BMPR2: variants seen among roughly 807,000 people sequenced by gnomAD.
BMPR2 encodes bone morphogenetic protein receptor type 2.
A neutral mutation model predicts 100.8 loss-of-function variants in BMPR2; 29 were observed. That is an observed-to-expected ratio of 0.29 (90% CI 0.21 to 0.39). The LOEUF is 0.39. Ranked by LOEUF, BMPR2 falls within the 10% of genes least tolerant of loss-of-function variation. BMPR2 has a pLI of 1.00. For missense variants in BMPR2, 1,011 were observed against 1,274.5 expected (o/e 0.79, Z 3.15); for synonymous variants, 382 against 442.3 (o/e 0.86, Z 1.71).
chr2:202,526,214 A>G lies in BMPR2; in HGVS notation c.968-4580A>G, dbSNP rs377413759. 1.1e-3 allele frequency among the ~76,000 whole-genome samples: 165 copies of G among 151,762 alleles called. 5 individuals are homozygous for G. In the South Asian group the frequency reaches 0.024, roughly 22 times the overall value. On this transcript the variant is annotated intron_variant, in intron 7 of 12. Transcript: ENST00000374580. ...GCTTTCTCACTTTGTTTCAATATAC[A>G]CCTCACCTCATAGATACCCCAAAGT...
chr2:202,463,378 A>G (rs921850431), intron 1 of BMPR2, among the ~76,000 whole-genome samples: 2 of 152,210 alleles, frequency 1.3e-5, no homozygotes, highest in African/African-American at 2.4e-5. Context: ...AAAGACCAGC[A>G]TCTACAAAAT....
intron 1 of BMPR2, among the ~76,000 whole-genome samples, chr2:202,455,078 C>T (rs1207644226): frequency 1.3e-5 from 2 of 152,202 alleles, no homozygotes; most frequent in Non-Finnish European, 2.9e-5. Flanking sequence ...CCAGAGGCTC[C>T]ATGTCCAAAT....
At position 202,555,405 on chromosome 2, in the gene BMPR2, G is replaced by A. The variant is rs1348564707; in HGVS notation, c.1740G>A (p.Gly580=). Residue 580 remains glycine, a synonymous_variant, in exon 12 of 13, where the codon GGG becomes GGA. Transcript: ENST00000374580. ...HSMSSTPLTI[G]EKNRNSINYE... is the part of the protein sequence containing the mutation. ...TGTCCAGCACACCTTTGACTATAGG[G>A]GAAAAAAACCGAAATTCAATTAACT... The A allele has an allele frequency of 3.7e-6, 6 of 1,613,942 alleles. No individual in the cohort carries two copies. The highest frequency in any genetic ancestry group is 1.6e-4 in the Middle Eastern group (1 of 6,084).
rs1688765564 is a variant in BMPR2 at position 202,566,500 on chromosome 2, C to A, written c.*6554C>A. The A allele has an allele frequency of 6.6e-6, 1 of 152,428 alleles. No individual in the cohort carries two copies. The highest frequency in any genetic ancestry group is 1.5e-5 in the Non-Finnish European group (1 of 67,992). 9.4% of individuals were successfully genotyped at this position (152,428 alleles called of 1,614,324 possible). On this transcript the variant is annotated 3_prime_UTR_variant, in exon 13 of 13. Coordinates refer to ENST00000374580, the MANE Select transcript of BMPR2 (RefSeq NM_001204.7). ...GACTCAACTAATTGGCTACATGTTG[C>A]AACAAATTTAGGCCTTTAGAGTTGA...
intron 10 of BMPR2, among the ~76,000 whole-genome samples, chr2:202,547,552 G>A (rs1461504296): frequency 6.6e-6 from 1 of 151,976 alleles, no homozygotes; most frequent in Admixed American, 6.6e-5. Flanking sequence ...GGAGGCTGGG[G>A]CATGTGGATT....
chr2:202,378,318 T>G (rs962217318), intron 1 of BMPR2, among the ~76,000 whole-genome samples: 7 of 152,210 alleles, frequency 4.6e-5, no homozygotes, highest in African/African-American at 1.7e-4. Flanking sequence ...GAAAAAGACC[T>G]TATCTTCTAT....
chr2:202,428,472 C>T (rs960010620), intron 1 of BMPR2, among the ~76,000 whole-genome samples: 1 of 152,050 alleles, frequency 6.6e-6, no homozygotes, highest in Non-Finnish European at 1.5e-5. Context: ...GGTCATAGCT[C>T]ACTGCATCCT....
intron 5 of BMPR2, among the ~76,000 whole-genome samples, chr2:202,517,595 C>A (rs1319416419): frequency 6.6e-6 from 1 of 152,076 alleles, no homozygotes; most frequent in Non-Finnish European, 1.5e-5. Flanking sequence ...CGTGATCCAC[C>A]CGCCTCAGCC....
chr2:202,512,949 A>T (rs919442943), intron 3 of BMPR2, among the ~76,000 whole-genome samples: 12 of 150,788 alleles, frequency 8.0e-5, no homozygotes, highest in Non-Finnish European at 1.5e-4. Flanking sequence ...ATGCTTTTTT[A>T]AAAAAAAACT....
At chr2:202,480,703 C>T (rs1253414010) in intron 3 of BMPR2, among the ~76,000 whole-genome samples, 1 of 151,774 alleles carries the variant, frequency 6.6e-6, no homozygotes, top group African/African-American at 2.4e-5. Context: ...CCTGTAATCC[C>T]AGCACTTTGG....
chr2:202,519,943 A>G, intron 6 of BMPR2, 144 bp from the exon 7 acceptor site: 1 of 643,934 alleles, frequency 1.6e-6, no homozygotes, highest in South Asian at 1.9e-5. Context: ...TAACTCTTTC[A>G]AGATTCTGAA....
At chr2:202,398,784 A>G (rs1194913926) in intron 1 of BMPR2, among the ~76,000 whole-genome samples, 1 of 152,194 alleles carries the variant, frequency 6.6e-6, no homozygotes, top group Non-Finnish European at 1.5e-5. Context: ...TTTTGTAGCT[A>G]TACAAAGCAT....
At chr2:202,383,228 C>T (rs914861199) in intron 1 of BMPR2, among the ~76,000 whole-genome samples, 1 of 152,048 alleles carries the variant, frequency 6.6e-6, no homozygotes, top group African/African-American at 2.4e-5. Context: ...GTCAGGATTT[C>T]GAGACCAGCC....
intron 12 of BMPR2, among the ~76,000 whole-genome samples, chr2:202,556,947 G>T (rs564441458): frequency 2.6e-5 from 4 of 151,612 alleles, no homozygotes; most frequent in Non-Finnish European, 5.9e-5. Flanking sequence ...GCCAGGCGTG[G>T]TGGCGTGCAC....
chr2:202,491,081 C>T (rs1189366173), intron 3 of BMPR2, among the ~76,000 whole-genome samples: 1 of 151,960 alleles, frequency 6.6e-6, no homozygotes, highest in Non-Finnish European at 1.5e-5. Flanking sequence ...ACCACTATGC[C>T]CGGCTAATTT....
At chr2:202,501,640 A>G (rs1687397350) in intron 3 of BMPR2, among the ~76,000 whole-genome samples, 1 of 152,220 alleles carries the variant, frequency 6.6e-6, no homozygotes, top group African/African-American at 2.4e-5. Context: ...TCTTAGCATC[A>G]GAGGCTATCA....
intron 1 of BMPR2, among the ~76,000 whole-genome samples, chr2:202,394,888 T>C (rs1690627526): frequency 3.1e-5 from 1 of 31,774 alleles, no homozygotes; most frequent in African/African-American, 1.4e-4. Context: ...TTACTTTTTT[T>C]TATTTTTTTT....
chr2:202,446,493 G>A (rs533209791), intron 1 of BMPR2, among the ~76,000 whole-genome samples: 1 of 150,562 alleles, frequency 6.6e-6, no homozygotes, highest in East Asian at 1.9e-4. Flanking sequence ...ATGTTCGCTT[G>A]TGTTTTTGAG....
chr2:202,403,581 A>G (rs181682494), intron 1 of BMPR2, among the ~76,000 whole-genome samples: 2 of 152,228 alleles, frequency 1.3e-5, no homozygotes, highest in East Asian at 3.9e-4. Context: ...TTAACGTTTG[A>G]CTCATTTTAA....
Sources: allele counts gnomAD v4.1 joint callset (sites outside exome capture counted in the v4.1 genomes callset), GRCh38; gene constraint gnomAD v4.1.1; transcripts MANE v1.5; gene names NCBI Gene and HGNC (gene_info 2026-07-23, HGNC 2026-07-21).